The following WDR59 variants were observed in gnomAD, a reference collection of about 807,000 sequenced individuals.
The protein encoded by WDR59 is WD repeat domain 59.
In WDR59, 100 loss-of-function variants were observed where a neutral mutation model predicts 131.2. That is an observed-to-expected ratio of 0.76 (90% CI 0.65 to 0.90). The LOEUF (loss-of-function observed/expected upper bound fraction) is 0.90, where lower values mean the gene tolerates loss of function less well. Ranked by LOEUF, WDR59 falls within the 40% of genes least tolerant of loss-of-function variation. The pLI is 0.00. For missense variants in WDR59, 1,203 were observed against 1,262.2 expected, an observed-to-expected ratio of 0.95 and a Z score of 0.71; for synonymous variants, 601 against 466.2, an observed-to-expected ratio of 1.29 and a Z score of -3.72.
chr16:74,892,821 AC>A (rs1965109297), intron 19 of WDR59, among the ~76,000 whole-genome samples: 2 of 152,160 alleles, frequency 1.3e-5, no homozygotes, highest in South Asian at 4.1e-4. Context: ...GGCAGGCCAT[AC>A]TCAAATACCA....
At chr16:74,934,262 C>T (rs1385194436) in intron 8 of WDR59, among the ~76,000 whole-genome samples, 2 of 152,006 alleles carry the variant, frequency 1.3e-5, no homozygotes, top group African/African-American at 4.8e-5. Flanking sequence ...AACATATTCA[C>T]GTTCATGCAT....
intron 7 of WDR59, among the ~76,000 whole-genome samples, chr16:74,938,922 C>T (rs2032011336): frequency 6.6e-6 from 1 of 152,040 alleles, no homozygotes; most frequent in Non-Finnish European, 1.5e-5. Flanking sequence ...TCCAAATGGA[C>T]TCAGCTTCAA....
intron 18 of WDR59, among the ~76,000 whole-genome samples, chr16:74,896,089 TA>T (rs796640807): frequency 6.6e-4 from 97 of 146,030 alleles, no homozygotes; most frequent in Admixed American, 8.9e-4. Flanking sequence ...GGCACTGGAT[TA>T]AAAAAAAAAA....
chr16:74,910,057 T>A (rs546705886), intron 14 of WDR59, 140 bp from the exon 15 acceptor site: 2 of 668,896 alleles, frequency 3.0e-6, no homozygotes, highest in East Asian at 3.1e-5. Context: ...AACCTCTGCC[T>A]CCCGTCTTCA....
chr16:74,966,126 G>A (rs140165852), intron 1 of WDR59, among the ~76,000 whole-genome samples: 18 of 152,114 alleles, frequency 1.2e-4, no homozygotes, highest in Non-Finnish European at 2.1e-4. Flanking sequence ...TGACAATAGG[G>A]CAGTTGCTAC....
chr16:74,925,515 G>GA (rs1235428244), intron 8 of WDR59, among the ~76,000 whole-genome samples: 1 of 141,696 alleles, frequency 7.1e-6, no homozygotes, highest in Non-Finnish European at 1.5e-5. Context: ...CTGCACTCCA[G>GA]CCTGGGCAAC....
rs554267882 is a variant in WDR59, at chr16:74,937,912, T to C, written c.651+238A>G. 1.8e-3 allele frequency among the ~76,000 whole-genome samples: 269 copies of C among 152,356 alleles called. 9 individuals are homozygous for C. The South Asian group carries it at 0.053, about 30-fold the overall frequency. ...ACGTATCAGAGGAGATGCTATGGCA[T>C]GTCACTCTGCCATCATAACACAATG... On this transcript the variant is annotated intron_variant, in intron 8 of 25. Coordinates refer to ENST00000262144, the MANE Select transcript of WDR59 (RefSeq NM_030581.4).
chr16:74,945,970 A>ACC (rs1308182636), intron 6 of WDR59, among the ~76,000 whole-genome samples: 3 of 151,950 alleles, frequency 2.0e-5, no homozygotes, highest in Non-Finnish European at 2.9e-5. Flanking sequence ...GGCATGCACC[A>ACC]CCACGCCCGG....
intron 25 of WDR59, among the ~76,000 whole-genome samples, chr16:74,882,088 C>T (rs1161562358): frequency 6.6e-6 from 1 of 152,062 alleles, no homozygotes; most frequent in South Asian, 2.1e-4. Flanking sequence ...CATCTTGACC[C>T]ACCAAACCAC....
At chr16:74,953,749 C>A (rs1432147469) in intron 3 of WDR59, among the ~76,000 whole-genome samples, 1 of 151,908 alleles carries the variant, frequency 6.6e-6, no homozygotes, top group African/African-American at 2.4e-5. Context: ...TGCCTGTAAT[C>A]CCAGCACTTT....
At chr16:74,954,477 A>G (rs1377070050) in intron 3 of WDR59, among the ~76,000 whole-genome samples, 1 of 152,168 alleles carries the variant, frequency 6.6e-6, no homozygotes, top group African/African-American at 2.4e-5. Flanking sequence ...GATGGCTATA[A>G]TTTTTTTAAA....
intron 1 of WDR59, among the ~76,000 whole-genome samples, chr16:74,978,172 G>A (rs1160424525): frequency 6.6e-6 from 1 of 152,024 alleles, no homozygotes; most frequent in Admixed American, 6.6e-5. Context: ...TGGCAAAGAT[G>A]GTTAGCCAGG....
chr16:74,938,142 C>T lies in WDR59; in HGVS notation c.651+8G>A, dbSNP rs181015134. 22 of 1,516,806 alleles carry T rather than the reference C, an allele frequency of 1.5e-5. No individual in the cohort carries two copies. Among genetic ancestry groups the T allele is most frequent in the Admixed American group, 2.2e-5 (1 of 46,082 alleles). The allele number at this position is 1,516,806 out of a possible 1,614,324, so 94.0% of individuals were successfully genotyped here. The stretch of plus-strand genomic sequence containing the variant: ...TGCTCCTCCAACTTCCCCATGGGTG[C>T]CACTGACCTTCACAGAATTGTCTTG... On this transcript the variant is annotated splice_region_variant and intron_variant, in intron 8 of 25. Transcript: ENST00000262144.
intron 1 of WDR59, among the ~76,000 whole-genome samples, chr16:74,970,402 C>T (rs2033930902): frequency 6.7e-6 from 1 of 149,304 alleles, no homozygotes; most frequent in Non-Finnish European, 1.5e-5. Flanking sequence ...AAGAAGCTCT[C>T]CCAGAATGGC....
intron 21 of WDR59, 36 bp downstream of exon 21, chr16:74,889,667 C>T: frequency 6.5e-7 from 1 of 1,547,266 alleles, no homozygotes; most frequent in Non-Finnish European, 8.9e-7. Context: ...AAATGGACAT[C>T]ACTCATTTTT....
intron 1 of WDR59, among the ~76,000 whole-genome samples, chr16:74,978,610 G>C (rs188116205): frequency 1.3e-5 from 2 of 152,224 alleles, no homozygotes. Flanking sequence ...ATAAGGGATG[G>C]AGATTGAGTA....
At chr16:74,979,674 G>A (rs1258730977) in intron 1 of WDR59, among the ~76,000 whole-genome samples, 3 of 150,906 alleles carry the variant, frequency 2.0e-5, no homozygotes, top group Non-Finnish European at 4.4e-5. Context: ...CCGAGTAGCT[G>A]GGATTACAGG....
At chr16:74,917,161 A>G (rs369252871) in intron 11 of WDR59, among the ~76,000 whole-genome samples, 20 of 152,308 alleles carry the variant, frequency 1.3e-4, no homozygotes, top group African/African-American at 4.8e-4. Context: ...AGGGCCACCA[A>G]AGCAGCTCAT....
chr16:74,876,801 G>A (rs568166178), intron 25 of WDR59, among the ~76,000 whole-genome samples: 1 of 152,254 alleles, frequency 6.6e-6, no homozygotes, highest in South Asian at 2.1e-4. Context: ...ATAGGCAGAT[G>A]CCCGTGGGCC....
Sources: allele counts gnomAD v4.1 joint callset (sites outside exome capture counted in the v4.1 genomes callset), GRCh38; gene constraint gnomAD v4.1.1; transcripts MANE v1.5; gene names NCBI Gene and HGNC (gene_info 2026-07-23, HGNC 2026-07-21).